The following TNKS variants were observed in gnomAD, a reference collection of about 807,000 sequenced individuals.
TNKS encodes the protein poly [ADP-ribose] polymerase tankyrase-1.
A neutral mutation model predicts 135.8 loss-of-function variants in TNKS; 72 were observed. The observed-to-expected ratio is 0.53, with a 90% confidence interval of 0.44 to 0.64. The LOEUF (loss-of-function observed/expected upper bound fraction) is 0.64, where lower values mean the gene tolerates loss of function less well. Among genes scored for constraint, TNKS ranks in the 30% least tolerant of loss-of-function variants. The probability of loss-of-function intolerance (pLI) is 0.00; values close to 1 mark genes in which losing one functional copy is unlikely to be tolerated. For synonymous variants in TNKS, 849 were observed against 649.3 expected, an observed-to-expected ratio of 1.31 and a Z score of -4.68; for missense variants, 1,769 against 1,674.0, an observed-to-expected ratio of 1.06 and a Z score of -0.99.
At chr8:9,626,393 T>A (rs1205992672) in intron 3 of TNKS, among the ~76,000 whole-genome samples, 2 of 152,230 alleles carry the variant, frequency 1.3e-5, no homozygotes, top group Non-Finnish European at 1.5e-5. Flanking sequence ...GCTGTGAGAT[T>A]TATGGCAAAT....
Position 9,776,702 on chromosome 8 carries a change from C to T in TNKS, c.3950C>T (p.Ser1317Phe), listed in dbSNP as rs1330985019. ...TYQIMKPEAP[S>F]QTATAAEQKT ...CAGATCATGAAGCCAGAAGCCCCTT[C>T]CCAGACCGCAACAGCCGCAGAGCAG... Residue 1317 changes from serine to phenylalanine, a missense_variant, in exon 27 of 27, where the codon TCC (serine) becomes TTC (phenylalanine). This residue lies in a region of TNKS where 722 missense variants were observed against 688.9 expected (regional missense o/e 1.05). Coordinates refer to ENST00000310430, the MANE Select transcript of TNKS (RefSeq NM_003747.3). 1 of 1,614,020 alleles carries T rather than the reference C, an allele frequency of 6.2e-7. No homozygotes were observed. The highest frequency in any genetic ancestry group is 8.5e-7 in the Non-Finnish European group (1 of 1,179,942).
chr8:9,650,432 C>G (rs555083512), intron 3 of TNKS, among the ~76,000 whole-genome samples: 1 of 152,274 alleles, frequency 6.6e-6, no homozygotes, highest in East Asian at 1.9e-4. Context: ...TGCATTCCCA[C>G]CAGTAGTGTA....
chr8:9,680,125 G>A (rs12114182), intron 4 of TNKS, 138 bp downstream of exon 4: 385,999 of 600,010 alleles, frequency 0.64, 126,219 homozygotes, highest in Middle Eastern at 0.71. Context: ...AAATCTTTAT[G>A]TACTTTATAT....
intron 2 of TNKS, among the ~76,000 whole-genome samples, chr8:9,609,998 C>T (rs1212161455): frequency 6.6e-6 from 1 of 152,124 alleles, no homozygotes; most frequent in Admixed American, 6.5e-5. Flanking sequence ...GCTGGGACTA[C>T]AGGCGCCCGC....
chr8:9,710,727 T>C (rs1452699075), intron 11 of TNKS, among the ~76,000 whole-genome samples: 1 of 152,112 alleles, frequency 6.6e-6, no homozygotes, highest in East Asian at 1.9e-4. Context: ...AAACCCCGTC[T>C]CTACTAAAAA....
At chr8:9,694,736 T>C (rs1227422049) in intron 5 of TNKS, among the ~76,000 whole-genome samples, 1 of 142,020 alleles carries the variant, frequency 7.0e-6, no homozygotes, top group African/African-American at 2.7e-5. Context: ...CGCTCCAGCC[T>C]GGGCAACAGA....
At chr8:9,712,108 A>G (rs1804365075) in intron 11 of TNKS, among the ~76,000 whole-genome samples, 1 of 152,244 alleles carries the variant, frequency 6.6e-6, no homozygotes, top group African/African-American at 2.4e-5. Context: ...TTAACAATGC[A>G]TTTATTTCAT....
chr8:9,731,040 G>A lies in TNKS; in HGVS notation c.2147+5G>A. On this transcript the variant is annotated splice_donor_5th_base_variant and intron_variant, in intron 14 of 26. Coordinates refer to ENST00000310430, the MANE Select transcript of TNKS (RefSeq NM_003747.3). ...TGTCCATGCCAAAGACAAGGGGTAC[G>A]TGTTAGAAGTTAGCTGTTTGGGAGT... is the stretch of plus-strand genomic sequence containing the variant. 2 of 1,587,154 alleles carry A rather than the reference G, an allele frequency of 1.3e-6. No individual in the cohort carries two copies. The highest frequency in any genetic ancestry group is 1.7e-6 in the Non-Finnish European group (2 of 1,165,708).
intron 25 of TNKS, among the ~76,000 whole-genome samples, chr8:9,767,295 T>C (rs1211832276): frequency 6.6e-6 from 1 of 152,168 alleles, no homozygotes; most frequent in Non-Finnish European, 1.5e-5. Flanking sequence ...ATAATCTCTG[T>C]GATGTCAGTG....
At chr8:9,658,072 C>A (rs1334559755) in intron 3 of TNKS, among the ~76,000 whole-genome samples, 1 of 88,738 alleles carries the variant, frequency 1.1e-5, no homozygotes, top group Non-Finnish European at 2.4e-5. Context: ...TCCTCACTTC[C>A]TAGATGTGAT....
At chr8:9,765,446 T>A (rs945914450) in intron 23 of TNKS, among the ~76,000 whole-genome samples, 1 of 152,078 alleles carries the variant, frequency 6.6e-6, no homozygotes, top group East Asian at 1.9e-4. Flanking sequence ...TTTTTTTTTT[T>A]AATCCTGAGG....
intron 17 of TNKS, among the ~76,000 whole-genome samples, chr8:9,743,894 A>C (rs1806098020): frequency 1.3e-5 from 2 of 152,236 alleles, no homozygotes; most frequent in Non-Finnish European, 2.9e-5. Context: ...GCTGTGTTAA[A>C]TAAACACAGA....
chr8:9,687,512 C>T (rs963059902), intron 5 of TNKS, among the ~76,000 whole-genome samples: 5 of 152,118 alleles, frequency 3.3e-5, no homozygotes, highest in Non-Finnish European at 4.4e-5. Context: ...GGAATTGCTT[C>T]TACGAAAACA....
intron 3 of TNKS, among the ~76,000 whole-genome samples, chr8:9,627,305 C>T (rs1800097046): frequency 6.6e-6 from 1 of 152,122 alleles, no homozygotes; most frequent in Admixed American, 6.5e-5. Context: ...AAGTGTTTTT[C>T]TGATTTCTGT....
At chr8:9,731,770 TATTAC>T (rs1805454434) in intron 14 of TNKS, among the ~76,000 whole-genome samples, 2 of 152,150 alleles carry the variant, frequency 1.3e-5, no homozygotes, top group Non-Finnish European at 1.5e-5. Context: ...TATAGTATTT[TATTAC>T]ATTATATGAA....
rs1808252971 is a variant in TNKS at position 9,776,949 on chromosome 8, G to T, written c.*213G>T. 1 of 498,392 alleles carries T rather than the reference G, an allele frequency of 2.0e-6. No individual in the cohort carries two copies. Among genetic ancestry groups the T allele is most frequent in the Non-Finnish European group, 3.5e-6 (1 of 283,106 alleles). The allele number at this position is 498,392 out of a possible 1,614,324, so 30.9% of individuals were successfully genotyped here. On this transcript the variant is annotated 3_prime_UTR_variant, in exon 27 of 27. Coordinates refer to ENST00000310430, the MANE Select transcript of TNKS (RefSeq NM_003747.3). ...TCCCTTTGAGGAAATGTTTACAGGG[G>T]CGGCCTTTTAACATATCTCAGGCTC...
chr8:9,590,325 A>G (rs4606065), intron 2 of TNKS, among the ~76,000 whole-genome samples: 4,488 of 152,144 alleles, frequency 0.029, 210 homozygotes, highest in African/African-American at 0.099. Context: ...CTCTTTCCCC[A>G]GATTTTTCAC....
chr8:9,735,565 C>G, intron 17 of TNKS, 79 bp downstream of exon 17: 1 of 1,121,622 alleles, frequency 8.9e-7, no homozygotes, highest in African/African-American at 1.5e-5. Context: ...CTTTAGGAGG[C>G]CGAGGAAGGT....
intron 1 of TNKS, among the ~76,000 whole-genome samples, chr8:9,560,493 C>CTCTTTTTTT (rs1797281030): frequency 2.4e-4 from 10 of 42,288 alleles, no homozygotes; most frequent in African/African-American, 1.1e-3. Context: ...CCATACTTGT[C>CTCTTTTTTT]TTTTTTTTTT....
Sources: allele counts gnomAD v4.1 joint callset (sites outside exome capture counted in the v4.1 genomes callset), GRCh38; gene constraint gnomAD v4.1.1; regional missense constraint gnomAD v4.1.1; transcripts MANE v1.5; gene names NCBI Gene and HGNC (gene_info 2026-07-23, HGNC 2026-07-21).